Variants in PPARGC1A observed in about 807,000 individuals in gnomAD.
PPARGC1A encodes the protein PPARG coactivator 1 alpha, also known as peroxisome proliferator-activated receptor gamma coactivator 1-alpha.
Under a neutral mutation model 88.7 loss-of-function variants are expected in PPARGC1A, and 25 were observed. That is an observed-to-expected ratio of 0.28 (90% CI 0.21 to 0.39). The LOEUF is 0.39. Ranked by LOEUF, PPARGC1A falls within the 10% of genes least tolerant of loss-of-function variation. The pLI, the probability that PPARGC1A is intolerant of heterozygous loss-of-function variation, is 1.00. For missense variants in PPARGC1A, 880 were observed against 968.7 expected (o/e 0.91, Z 1.22); for synonymous variants, 363 against 355.6 (o/e 1.02, Z -0.24).
the PPARGC1A span, among the ~76,000 whole-genome samples, chr4:23,997,856 G>C: frequency 2.0e-4 from 30 of 152,236 alleles, no homozygotes; most frequent in African/African-American, 6.5e-4. Context: ...AGTATTTTGA[G>C]TTAATATTGA....
the PPARGC1A span, among the ~76,000 whole-genome samples, chr4:24,061,410 A>G: frequency 1.3e-5 from 2 of 152,244 alleles, no homozygotes; most frequent in Non-Finnish European, 2.9e-5. Context: ...CTTAAAAACC[A>G]CATAAAATGC....
the PPARGC1A span, among the ~76,000 whole-genome samples, chr4:24,136,367 G>A: frequency 3.3e-5 from 5 of 152,168 alleles, no homozygotes; most frequent in African/African-American, 7.2e-5. Flanking sequence ...ATGGAAAGAC[G>A]TAGAGTTACA....
chr4:23,826,603 G>A lies in PPARGC1A; in HGVS notation c.757+1797C>T, dbSNP rs140126822. Among the ~76,000 whole-genome samples the A allele has an allele frequency of 1.4e-3, 206 of 152,182 alleles. 1 individual carries two copies. Among genetic ancestry groups the A allele is most frequent in the African/African-American group, 4.3e-3 (179 of 41,532 alleles). On this transcript the variant is annotated intron_variant, in intron 5 of 12. Coordinates refer to ENST00000264867, the MANE Select transcript of PPARGC1A (RefSeq NM_013261.5). ...ATCTCTAATTGTTCATGTATTTTCC[G>A]CATTTTGATTTTGAATAATAATTCA...
chr4:23,983,513 C>A, the PPARGC1A span, among the ~76,000 whole-genome samples: 81 of 152,254 alleles, frequency 5.3e-4, 3 homozygotes, highest in African/African-American at 1.7e-3. Context: ...AGAAAAACAG[C>A]ATCCACTTTC....
the PPARGC1A span, among the ~76,000 whole-genome samples, chr4:24,003,506 T>C: frequency 8.5e-5 from 13 of 152,274 alleles, no homozygotes; most frequent in South Asian, 2.7e-3. Flanking sequence ...ATCTGGAGTA[T>C]TGCCCAGGCT....
At chr4:24,436,440 C>T in the PPARGC1A span, among the ~76,000 whole-genome samples, 2 of 150,920 alleles carry the variant, frequency 1.3e-5, no homozygotes, top group Non-Finnish European at 2.9e-5. Context: ...GGTCACAGAG[C>T]TGACATCGAT....
the PPARGC1A span, among the ~76,000 whole-genome samples, chr4:24,206,467 G>A: frequency 6.6e-6 from 1 of 152,118 alleles, no homozygotes; most frequent in Non-Finnish European, 1.5e-5. Context: ...AATAATATTT[G>A]CGCAGTATTG....
the PPARGC1A span, among the ~76,000 whole-genome samples, chr4:24,270,306 CCTCTCTCTCTCTCTCTCT>C: frequency 0.013 from 1,882 of 147,576 alleles, 14 homozygotes; most frequent in Non-Finnish European, 0.017. Flanking sequence ...AATAAATCAA[CCTCTCTCTCTCTCTCTCT>C]CTCTCTCTCT....
chr4:24,449,015 T>G, the PPARGC1A span, among the ~76,000 whole-genome samples: 2 of 152,190 alleles, frequency 1.3e-5, no homozygotes, highest in Non-Finnish European at 2.9e-5. Context: ...TTGAACATCA[T>G]AAAACGTTGT....
At chr4:24,242,421 C>T in the PPARGC1A span, among the ~76,000 whole-genome samples, 1 of 152,190 alleles carries the variant, frequency 6.6e-6, no homozygotes, top group African/African-American at 2.4e-5. Flanking sequence ...ATCTCTGTAG[C>T]TGCAGTTTTC....
chr4:24,027,253 A>C, the PPARGC1A span, among the ~76,000 whole-genome samples: 356 of 95,968 alleles, frequency 3.7e-3, no homozygotes, highest in Non-Finnish European at 6.2e-3. Flanking sequence ...GTGTGCGTGC[A>C]TATTTTTGCC....
chr4:24,249,681 G>T, the PPARGC1A span, among the ~76,000 whole-genome samples: 5 of 152,320 alleles, frequency 3.3e-5, no homozygotes, highest in South Asian at 1.0e-3. Flanking sequence ...TTTTTGCAAG[G>T]CAGGGAAACA....
chr4:24,141,016 G>A, the PPARGC1A span, among the ~76,000 whole-genome samples: 1 of 152,180 alleles, frequency 6.6e-6, no homozygotes, highest in Non-Finnish European at 1.5e-5. Flanking sequence ...GGGACTAACA[G>A]AAGTTAGGAA....
At chr4:24,174,877 G>A in the PPARGC1A span, among the ~76,000 whole-genome samples, 1 of 152,194 alleles carries the variant, frequency 6.6e-6, no homozygotes, top group Non-Finnish European at 1.5e-5. Context: ...CATTTCCAGT[G>A]GAATGTCACT....
chr4:23,868,832 G>T (rs1366210560), intron 2 of PPARGC1A, among the ~76,000 whole-genome samples: 1 of 152,208 alleles, frequency 6.6e-6, no homozygotes, highest in Non-Finnish European at 1.5e-5. Context: ...TTATGGAAAT[G>T]GTGTCTATGG....
chr4:23,913,267 T>TAG, the PPARGC1A span, among the ~76,000 whole-genome samples: 272 of 77,490 alleles, frequency 3.5e-3, no homozygotes, highest in Non-Finnish European at 4.0e-3. Flanking sequence ...TATATATATA[T>TAG]AGAGAGAGAG....
chr4:24,085,230 G>C, the PPARGC1A span, among the ~76,000 whole-genome samples: 23 of 152,076 alleles, frequency 1.5e-4, no homozygotes, highest in Non-Finnish European at 3.2e-4. Context: ...AGAGAAGGTA[G>C]AGAGTACACA....
At chr4:24,273,826 G>A in the PPARGC1A span, among the ~76,000 whole-genome samples, 5 of 148,266 alleles carry the variant, frequency 3.4e-5, no homozygotes, top group African/African-American at 1.3e-4. Context: ...CACCTTCCAG[G>A]TTGAAGCGAT....
chr4:24,140,078 G>C, the PPARGC1A span, among the ~76,000 whole-genome samples: 1 of 152,180 alleles, frequency 6.6e-6, no homozygotes, highest in Non-Finnish European at 1.5e-5. Context: ...CATGGGGAGA[G>C]AGGGTTGCTC....
Sources: gnomAD v4.1 joint callset for allele counts (sites outside exome capture counted in the v4.1 genomes callset) on GRCh38, gnomAD v4.1.1 for gene constraint, MANE v1.5 for transcripts, NCBI Gene and HGNC (gene_info 2026-07-23, HGNC 2026-07-21) for gene names.